ITGA2: variants seen among roughly 807,000 people sequenced by gnomAD.
ITGA2 encodes integrin alpha-2.
In ITGA2, 101 loss-of-function variants were observed where a neutral mutation model predicts 146.3. The observed-to-expected ratio is 0.69, with a 90% CI of 0.59 to 0.81. The LOEUF is 0.81. ITGA2 is among the 40% of genes least tolerant of loss of function. ITGA2 has a pLI of 0.00. For synonymous variants in ITGA2, 477 were observed against 487.1 expected (o/e 0.98, Z 0.27); for missense variants, 1,281 against 1,402.7 (o/e 0.91, Z 1.39).
chr5:53,026,062 T>C (rs562376225), intron 1 of ITGA2, among the ~76,000 whole-genome samples: 78 of 152,322 alleles, frequency 5.1e-4, no homozygotes, highest in African/African-American at 1.7e-3. Context: ...GAAAGAAGCA[T>C]CAAAAACAAA....
At chr5:53,023,983 T>C (rs1271017018) in intron 1 of ITGA2, among the ~76,000 whole-genome samples, 3 of 152,156 alleles carry the variant, frequency 2.0e-5, no homozygotes, top group Non-Finnish European at 4.4e-5. Context: ...AGAGATTTAG[T>C]ATCAATGGAA....
intron 3 of ITGA2, among the ~76,000 whole-genome samples, chr5:53,043,806 G>T (rs1233217704): frequency 1.3e-5 from 2 of 152,144 alleles, no homozygotes; most frequent in East Asian, 1.9e-4. Context: ...CTTAAAAAGA[G>T]TTCTTCCTTC....
At chr5:53,083,579 G>A (rs1186910128) in intron 27 of ITGA2, 126 bp downstream of exon 27, 1 of 718,820 alleles carries the variant, frequency 1.4e-6, no homozygotes, top group Non-Finnish European at 2.5e-6. Context: ...ATAACCCAGA[G>A]CATTTTACCC....
intron 29 of ITGA2, 126 bp downstream of exon 29, chr5:53,090,188 T>G (rs1225535330): frequency 2.7e-6 from 2 of 735,900 alleles, no homozygotes; most frequent in South Asian, 1.5e-5. Context: ...AAATGCAAAT[T>G]TGTTTATAAT....
At chr5:53,083,122 G>A (rs990612403) in intron 26 of ITGA2, among the ~76,000 whole-genome samples, 1 of 152,094 alleles carries the variant, frequency 6.6e-6, no homozygotes, top group Non-Finnish European at 1.5e-5. Flanking sequence ...GACAGGAAAT[G>A]GATGGGGTAA....
chr5:53,058,178 A>G, intron 10 of ITGA2, 77 bp downstream of exon 10: 2 of 1,068,564 alleles, frequency 1.9e-6, no homozygotes, highest in Admixed American at 3.4e-5. Context: ...TATACATAAA[A>G]TGGGAAGACA....
intron 1 of ITGA2, among the ~76,000 whole-genome samples, chr5:52,994,525 A>T (rs567093367): frequency 2.6e-5 from 4 of 152,310 alleles, no homozygotes; most frequent in African/African-American, 7.2e-5. Flanking sequence ...CCTAAGAGAG[A>T]TATTTGTTAA....
At chr5:53,028,348 G>A (rs1449427750) in intron 2 of ITGA2, among the ~76,000 whole-genome samples, 1 of 152,182 alleles carries the variant, frequency 6.6e-6, no homozygotes, top group African/African-American at 2.4e-5. Context: ...CTAATGTGAG[G>A]AGACTTAGAA....
chr5:53,015,416 C>G lies in ITGA2; in HGVS notation c.65-11332C>G, dbSNP rs192940851. Among the ~76,000 whole-genome samples, 56 of 152,010 alleles carry G rather than the reference C, an allele frequency of 3.7e-4. No individual in the cohort carries two copies. In the East Asian group the frequency reaches 0.01, roughly 28 times the overall value. On this transcript the variant is annotated intron_variant, in intron 1 of 29. Coordinates refer to ENST00000296585, the MANE Select transcript of ITGA2 (RefSeq NM_002203.4). Reference sequence around the variant, plus strand: ...CAATTATTTGGTTTTGAGCAATCTTCTCAGTATTGATTTCTATTTTTATTG... The same window carrying G: ...CAATTATTTGGTTTTGAGCAATCTTGTCAGTATTGATTTCTATTTTTATTG...
chr5:53,048,204 TCTG>T (rs1744184374), intron 4 of ITGA2, among the ~76,000 whole-genome samples, 156 bp from the exon 5 acceptor site: 2 of 152,196 alleles, frequency 1.3e-5, no homozygotes, highest in Admixed American at 6.5e-5. Flanking sequence ...CTCCATCACT[TCTG>T]CTTTCCCCGA....
rs748653906 is a variant in ITGA2 at position 53,059,935 on chromosome 5, C to T, written c.1235C>T (p.Thr412Ile). 3 of 1,612,058 alleles carry T rather than the reference C, an allele frequency of 1.9e-6. No individual in the cohort carries two copies. The highest frequency in any genetic ancestry group is 3.3e-5 in the Admixed American group (2 of 59,776). ...FGWSGTIVQK[T>I]SHGHLIFPKQ... is the part of the protein sequence containing the mutation. Reference sequence around the variant, plus strand: ...TGGAGTGGGACCATTGTCCAGAAGACATCTCATGGCCATTTGATCTTTCCT... The same window carrying T: ...TGGAGTGGGACCATTGTCCAGAAGATATCTCATGGCCATTTGATCTTTCCT... The change falls in exon 11 of 30, where the codon ACA becomes ATA. Residue 412 changes from threonine (T) to isoleucine (I), a missense_variant. Physicochemically the swap from Thr to Ile is moderately conservative, Grantham distance 89. Transcript: ENST00000296585.
At chr5:53,060,266 C>T (rs1312766995) in intron 11 of ITGA2, among the ~76,000 whole-genome samples, 1 of 151,802 alleles carries the variant, frequency 6.6e-6, no homozygotes, top group Admixed American at 6.6e-5. Flanking sequence ...TTGTGTTCCT[C>T]CAAAATGGAA....
At chr5:53,085,017 C>T (rs1220244272) in intron 27 of ITGA2, among the ~76,000 whole-genome samples, 1 of 152,188 alleles carries the variant, frequency 6.6e-6, no homozygotes, top group Non-Finnish European at 1.5e-5. Context: ...CTTGAGATGT[C>T]AAGGTATGTC....
rs995669774 is a variant in ITGA2, at chr5:53,051,243, G to C, written c.631-168G>C. Among the ~76,000 whole-genome samples, 8 of 152,172 alleles carry C rather than the reference G, an allele frequency of 5.3e-5. No individual in the cohort carries two copies. In the South Asian group the frequency reaches 1.2e-3, roughly 24 times the overall value. On this transcript the variant is annotated intron_variant, in intron 6 of 29. Transcript: ENST00000296585. ...TACACTGATGGCCTCTAACAGAGAA[G>C]AAATCATTCCATTGAAAGAAAAGTA...
In ITGA2 at chr5:53,044,024, T is replaced by C. The variant is rs1045269051; in HGVS notation, c.296-977T>C. ...GCATGGTGTCTCACGCCTGTAATCC[T>C]AGCACTTTGGGAGGCCGAGGTGGGT... On this transcript the variant is annotated intron_variant, in intron 3 of 29. Transcript: ENST00000296585. Among the ~76,000 whole-genome samples the C allele has an allele frequency of 3.3e-5, 5 of 151,890 alleles. No homozygotes were observed. In the South Asian group the frequency reaches 1.0e-3, roughly 32 times the overall value.
intron 26 of ITGA2, 102 bp from the exon 27 acceptor site, chr5:53,083,238 T>TGTGTCCCA: frequency 4.1e-6 from 3 of 735,998 alleles, no homozygotes; most frequent in Non-Finnish European, 2.4e-6. Context: ...TTTCCCTAGG[T>TGTGTCCCA]GTGTCCCAGC....
intron 16 of ITGA2, among the ~76,000 whole-genome samples, chr5:53,068,251 T>A (rs1745233754): frequency 6.6e-6 from 1 of 151,924 alleles, no homozygotes; most frequent in Non-Finnish European, 1.5e-5. Context: ...TTCCTACTTT[T>A]CATATCCATT....
rs1353753785 is a variant in ITGA2, at chr5:53,067,207, A to C, written c.2033A>C (p.Lys678Thr). ...AACAAGAATGCTCAGATAATTCTCA[A>C]ACTCTGCTTCAGTGCAAAGTTCAGA... ...LVNKNAQIIL[K>T]LCFSAKFRPT... Residue 678 changes from lysine to threonine, a missense_variant, in exon 16 of 30, where the codon AAA (lysine) becomes ACA (threonine). Around this residue, in one of 3 missense-constraint regions of ITGA2, gnomAD observed 795 missense variants for 841.7 expected, o/e 0.94. Transcript: ENST00000296585. 1 of 1,611,744 alleles carries C rather than the reference A, an allele frequency of 6.2e-7. No homozygotes were observed. The highest frequency in any genetic ancestry group is 8.5e-7 in the Non-Finnish European group (1 of 1,178,748).
At chr5:53,000,978 T>C (rs12655582) in intron 1 of ITGA2, among the ~76,000 whole-genome samples, 35,657 of 143,786 alleles carry the variant, frequency 0.25, 5,334 homozygotes, top group South Asian at 0.34. Context: ...CTTGGCTCAC[T>C]GCAACTTCCA....
Sources: allele counts gnomAD v4.1 joint callset (sites outside exome capture counted in the v4.1 genomes callset), GRCh38; gene constraint gnomAD v4.1.1; regional missense constraint gnomAD v4.1.1; transcripts MANE v1.5; gene names NCBI Gene and HGNC (gene_info 2026-07-23, HGNC 2026-07-21).